Variants in AFTPH observed in about 807,000 individuals in gnomAD.
The protein encoded by AFTPH is aftiphilin protein.
AFTPH carries 7 observed loss-of-function variants against 72.5 expected under a neutral mutation model. That is an observed-to-expected ratio of 0.10 (90% CI 0.05 to 0.18). The LOEUF (loss-of-function observed/expected upper bound fraction) is 0.18. Among genes scored for constraint, AFTPH ranks in the 10% least tolerant of loss-of-function variants. The probability of loss-of-function intolerance (pLI) is 1.00; values close to 1 mark genes in which losing one functional copy is unlikely to be tolerated. For missense variants in AFTPH, 979 were observed against 1,060.5 expected (o/e 0.92, Z 1.07); for synonymous variants, 337 against 370.1 (o/e 0.91, Z 1.03).
intron 1 of AFTPH, among the ~76,000 whole-genome samples, chr2:64,526,189 T>G (rs1221700455): frequency 3.3e-5 from 5 of 152,254 alleles, no homozygotes; most frequent in African/African-American, 1.2e-4. Context: ...GAATCCAGTT[T>G]TCGTTATGAA....
chr2:64,567,609 T>A (rs774078474), exon 3 of AFTPH: 1 of 1,613,812 alleles, frequency 6.2e-7, no homozygotes, highest in East Asian at 2.2e-5. Context: ...CATGTTTTCC[T>A]TCCATACTTG....
rs575018576 is a variant in AFTPH, at chr2:64,530,448, T to C, written c.-33+5836T>C. Among the ~76,000 whole-genome samples the C allele has an allele frequency of 1.2e-4, 19 of 152,326 alleles. No homozygotes were observed. In the South Asian group the frequency reaches 3.9e-3, roughly 32 times the overall value. On this transcript the variant is annotated intron_variant, in intron 1 of 8. Transcript: ENST00000238856. ...TTAAAATTATGAAAAAATAATGTGC[T>C]TATTATAGAAAATTTGGGAAAATGT...
At position 64,548,433 on chromosome 2, in the gene AFTPH, A is replaced by C. The variant is rs7558612; in HGVS notation, c.-32-3010A>C. Among the ~76,000 whole-genome samples the C allele has an allele frequency of 6.4e-3, 656 of 102,536 alleles. 32 individuals carry two copies. Among genetic ancestry groups the C allele is most frequent in the East Asian group, 0.033 (131 of 3,974 alleles). The allele number at this position is 102,536 out of a possible 152,430, so 67.3% of individuals were successfully genotyped here. A position where few individuals can be genotyped will look rare whatever the true frequency, so the allele number is the denominator to read the frequency against. ...AAAAAAAAAAAAAAAAAAAAAAAAAAAACTTTAGAAAAAGGAATCCTGTAG... is the reference window on the plus strand; with the variant it reads ...AAAAAAAAAAAAAAAAAAAAAAAAACAACTTTAGAAAAAGGAATCCTGTAG... On this transcript the variant is annotated intron_variant, in intron 1 of 8. Transcript: ENST00000238856.
At chr2:64,572,173 T>TGGAG (rs572956593) in intron 5 of AFTPH, among the ~76,000 whole-genome samples, 190 of 144,606 alleles carry the variant, frequency 1.3e-3, no homozygotes, top group Non-Finnish European at 2.1e-3. Context: ...TGAGCTGAGA[T>TGGAG]CACACCATTG....
intron 1 of AFTPH, among the ~76,000 whole-genome samples, chr2:64,543,726 T>C (rs150445051): frequency 2.0e-5 from 3 of 152,318 alleles, no homozygotes; most frequent in African/African-American, 7.2e-5. Context: ...TCCAACTTTG[T>C]TTTTCTTGAG....
intron 2 of AFTPH, among the ~76,000 whole-genome samples, chr2:64,560,083 G>A (rs1183147206): frequency 1.3e-5 from 2 of 152,114 alleles, no homozygotes; most frequent in Non-Finnish European, 2.9e-5. Flanking sequence ...TCACAAGAGG[G>A]AACACCTTAC....
chr2:64,538,088 A>T (rs935406280), intron 1 of AFTPH, among the ~76,000 whole-genome samples: 2 of 152,210 alleles, frequency 1.3e-5, no homozygotes, highest in African/African-American at 4.8e-5. Context: ...ATAGAGAGTA[A>T]GGGTAAATAC....
At chr2:64,534,596 G>A (rs1056192122) in intron 1 of AFTPH, among the ~76,000 whole-genome samples, 4 of 152,168 alleles carry the variant, frequency 2.6e-5, no homozygotes, top group Non-Finnish European at 5.9e-5. Context: ...AGTGTTACAC[G>A]TAACTAAAAA....
intron 2 of AFTPH, among the ~76,000 whole-genome samples, chr2:64,564,231 G>T (rs1358785169): frequency 1.3e-5 from 2 of 152,126 alleles, no homozygotes; most frequent in African/African-American, 4.8e-5. Context: ...GATTTAGAAT[G>T]CTAAATCATG....
At chr2:64,565,204 G>A (rs959198519) in intron 2 of AFTPH, among the ~76,000 whole-genome samples, 20 of 151,942 alleles carry the variant, frequency 1.3e-4, no homozygotes, top group African/African-American at 4.1e-4. Flanking sequence ...TGGGCTGGGC[G>A]CAGTGGCTCA....
At chr2:64,572,906 G>A (rs1435759368) in intron 5 of AFTPH, 40 bp from the exon 6 acceptor site, 20 of 1,610,240 alleles carry the variant, frequency 1.2e-5, no homozygotes, top group Non-Finnish European at 1.7e-5. Context: ...TATGGGCTGT[G>A]CACCCCCATC....
In AFTPH at chr2:64,579,560, T is replaced by C; in HGVS notation, c.2455+14T>C. 6.2e-7 allele frequency: 1 copy of C among 1,610,120 alleles called. No homozygotes were observed. Among genetic ancestry groups the C allele is most frequent in the Non-Finnish European group, 8.5e-7 (1 of 1,176,676 alleles). On this transcript the variant is annotated intron_variant, in intron 7 of 8. Transcript: ENST00000238856. ...ACCCTTTAGATGGTACGTCTCTCCG[T>C]AGAGCCTCTAGCACCAGAGCTAGAG...
chr2:64,585,480 C>A (rs1455616484), exon 8 of AFTPH: 2 of 1,613,722 alleles, frequency 1.2e-6, no homozygotes, highest in South Asian at 2.2e-5. Context: ...CCACCTCAAG[C>A]CTCAAAGTGA....
chr2:64,551,485 ACAT>A (rs1671045323), exon 2 of AFTPH: 1 of 1,613,216 alleles, frequency 6.2e-7, no homozygotes, highest in Non-Finnish European at 8.5e-7. Flanking sequence ...ATGGAGCCAG[ACAT>A]CATTCGAATG....
chr2:64,558,272 C>T (rs1414553771), intron 2 of AFTPH, among the ~76,000 whole-genome samples: 3 of 152,086 alleles, frequency 2.0e-5, no homozygotes, highest in Non-Finnish European at 4.4e-5. Context: ...ATACTTAAGT[C>T]ATTACTTAAT....
intron 2 of AFTPH, among the ~76,000 whole-genome samples, chr2:64,563,797 A>G (rs1272214047): frequency 6.6e-6 from 1 of 152,114 alleles, no homozygotes; most frequent in Non-Finnish European, 1.5e-5. Flanking sequence ...TAGTAGAGAC[A>G]CGGTTTCACA....
At chr2:64,586,803 CAAAT>C (rs1295158818) in intron 8 of AFTPH, among the ~76,000 whole-genome samples, 2 of 151,994 alleles carry the variant, frequency 1.3e-5, no homozygotes, top group African/African-American at 4.8e-5. Context: ...TTTTTCTTTC[CAAAT>C]AAATCACTTC....
intron 3 of AFTPH, 64 bp downstream of exon 3, chr2:64,567,777 A>G: frequency 6.5e-7 from 1 of 1,540,882 alleles, no homozygotes; most frequent in Non-Finnish European, 8.8e-7. Flanking sequence ...CTAATTTATA[A>G]GTTTATCTTA....
At chr2:64,527,235 C>T (rs1669325783) in intron 1 of AFTPH, among the ~76,000 whole-genome samples, 1 of 152,130 alleles carries the variant, frequency 6.6e-6, no homozygotes, top group African/African-American at 2.4e-5. Flanking sequence ...CTGGCTCATT[C>T]ATTATGGCTT....
Sources: allele counts gnomAD v4.1 joint callset (sites outside exome capture counted in the v4.1 genomes callset), GRCh38; gene constraint gnomAD v4.1.1; transcripts MANE v1.5; gene names NCBI Gene and HGNC (gene_info 2026-07-23, HGNC 2026-07-21).